Variants in LRP1B observed in about 807,000 individuals in gnomAD.
LRP1B encodes the protein low-density lipoprotein receptor-related protein 1B.
A neutral mutation model predicts 556.6 loss-of-function variants in LRP1B; 217 were observed. That is an observed-to-expected ratio of 0.39 (90% CI 0.35 to 0.44). The LOEUF is 0.44. Among genes scored for constraint, LRP1B ranks in the 20% least tolerant of loss-of-function variants. The pLI is 1.00. For synonymous variants in LRP1B, 2,047 were observed against 1,865.8 expected, an observed-to-expected ratio of 1.10 and a Z score of -2.50; for missense variants, 5,053 against 5,620.8, an observed-to-expected ratio of 0.90 and a Z score of 3.23.
intron 49 of LRP1B, among the ~76,000 whole-genome samples, chr2:140,525,223 A>G (rs1028453554): frequency 7.2e-5 from 11 of 151,984 alleles, no homozygotes; most frequent in African/African-American, 2.4e-4. Context: ...CCAGTTATAC[A>G]TAGTTCTTTT....
intron 2 of LRP1B, among the ~76,000 whole-genome samples, chr2:141,771,817 T>C (rs2105617108): frequency 6.6e-6 from 1 of 152,170 alleles, no homozygotes; most frequent in South Asian, 2.1e-4. Context: ...GTTTGTTTGT[T>C]TTTGTTGTTG....
At chr2:140,670,775 G>A (rs1685452395) in intron 41 of LRP1B, among the ~76,000 whole-genome samples, 2 of 152,192 alleles carry the variant, frequency 1.3e-5, no homozygotes, top group South Asian at 2.1e-4. Context: ...TTACTTTTGT[G>A]CAGAATATGT....
rs370438061 is a variant in LRP1B at position 140,444,369 on chromosome 2, G to T, written c.10255C>A (p.Gln3419Lys). ...CIPVNLRCNG[Q>K]DDCGDEEDER... ...TCTTCCTCATCACCACAGTCATCTT[G>T]CCCATTACATCTTAAGTTTACTGGG... The change falls in exon 65 of 91, where the codon CAA becomes AAA. Residue 3419 changes from glutamine to lysine, a missense_variant. Transcript: ENST00000389484. 7.4e-6 allele frequency: 12 copies of T among 1,613,670 alleles called. No homozygotes were observed. Among genetic ancestry groups the T allele is most frequent in the Non-Finnish European group, 1.0e-5 (12 of 1,179,786 alleles).
chr2:142,013,761 T>C (rs1703030633), intron 1 of LRP1B, among the ~76,000 whole-genome samples: 1 of 152,114 alleles, frequency 6.6e-6, no homozygotes, highest in Non-Finnish European at 1.5e-5. Flanking sequence ...AATATTTGGA[T>C]TGTACAGTGA....
intron 3 of LRP1B, among the ~76,000 whole-genome samples, chr2:141,294,477 C>T (rs1280441736): frequency 6.6e-6 from 1 of 151,878 alleles, no homozygotes; most frequent in Non-Finnish European, 1.5e-5. Context: ...AATCCTATCA[C>T]TCTGGGAGGC....
chr2:140,399,285 G>T (rs1684393197), intron 66 of LRP1B, among the ~76,000 whole-genome samples: 1 of 151,494 alleles, frequency 6.6e-6, no homozygotes, highest in Admixed American at 6.6e-5. Context: ...GATTCCTGGA[G>T]AATTGCACTA....
chr2:141,062,976 T>A (rs960308402), intron 7 of LRP1B, among the ~76,000 whole-genome samples: 12 of 152,028 alleles, frequency 7.9e-5, no homozygotes, highest in African/African-American at 2.9e-4. Flanking sequence ...AATTCTTTCA[T>A]ACTGTGCTAA....
In LRP1B at chr2:140,612,846, CT is replaced by C. The variant is rs373382120; in HGVS notation, c.6800-11208del. On this transcript the variant is annotated intron_variant, in intron 41 of 90. Coordinates refer to ENST00000389484, the MANE Select transcript of LRP1B (RefSeq NM_018557.3). ...GGCATTCTTGAATTTTCTTATTATA[CT>C]TTTTTTAGGAAGTGGAAGATTACCG... Among the ~76,000 whole-genome samples the C allele has an allele frequency of 4.3e-4, 66 of 151,920 alleles. 1 individual carries two copies. In the East Asian group the frequency reaches 0.012, roughly 28 times the overall value.
At chr2:140,584,433 A>G (rs1391760890) in intron 43 of LRP1B, among the ~76,000 whole-genome samples, 1 of 151,708 alleles carries the variant, frequency 6.6e-6, no homozygotes, top group Admixed American at 6.6e-5. Context: ...TTTGTTAGCT[A>G]TCTGTTATTT....
intron 2 of LRP1B, among the ~76,000 whole-genome samples, chr2:141,764,114 G>C (rs916891899): frequency 3.9e-5 from 6 of 152,084 alleles, no homozygotes; most frequent in Non-Finnish European, 7.4e-5. Flanking sequence ...CAGTAATTAA[G>C]GACAGGACCT....
chr2:140,954,522 T>G (rs902452428), intron 18 of LRP1B, among the ~76,000 whole-genome samples: 9 of 152,056 alleles, frequency 5.9e-5, no homozygotes, highest in Non-Finnish European at 1.0e-4. Context: ...TCTGAAAACT[T>G]TTGAAACTGA....
intron 5 of LRP1B, 123 bp from the exon 6 acceptor site, chr2:141,229,563 TA>T (rs1294297864): frequency 1.9e-5 from 14 of 752,632 alleles, no homozygotes; most frequent in African/African-American, 8.9e-5. Context: ...AATTTTCTTA[TA>T]AAAAAACTTT....
intron 2 of LRP1B, among the ~76,000 whole-genome samples, chr2:141,625,540 T>G (rs572260859): frequency 6.6e-6 from 1 of 152,334 alleles, no homozygotes; most frequent in African/African-American, 2.4e-5. Flanking sequence ...TATTTGTTAC[T>G]GAAAGAATGT....
chr2:140,404,168 CTTTTTTTTTT>C (rs68017900), intron 66 of LRP1B, among the ~76,000 whole-genome samples: 1 of 92,444 alleles, frequency 1.1e-5, no homozygotes, highest in Non-Finnish European at 2.0e-5. Context: ...AATAGAACTT[CTTTTTTTTTT>C]TTTTTTTTTT....
chr2:140,687,675 T>C (rs1262717726), intron 41 of LRP1B, among the ~76,000 whole-genome samples: 3 of 152,146 alleles, frequency 2.0e-5, no homozygotes, highest in African/African-American at 4.8e-5. Context: ...AGGTTGAATA[T>C]GTAAATAAAA....
intron 1 of LRP1B, among the ~76,000 whole-genome samples, chr2:141,840,771 T>C (rs1697441699): frequency 1.3e-5 from 2 of 152,202 alleles, no homozygotes; most frequent in Non-Finnish European, 2.9e-5. Flanking sequence ...AGTGATTTAC[T>C]GGATATATAC....
chr2:141,014,315 A>C (rs1697841001), intron 13 of LRP1B, among the ~76,000 whole-genome samples: 1 of 152,094 alleles, frequency 6.6e-6, no homozygotes. Flanking sequence ...ATTATTAGTA[A>C]ATAGATAAAA....
intron 2 of LRP1B, among the ~76,000 whole-genome samples, chr2:141,702,568 C>T (rs76307900): frequency 0.054 from 7,360 of 135,644 alleles, 233 homozygotes; most frequent in East Asian, 0.16. Context: ...GAGGTGGCCA[C>T]CTGTAGGTCT....
chr2:141,662,128 T>C (rs575760819), intron 2 of LRP1B, among the ~76,000 whole-genome samples: 2 of 152,252 alleles, frequency 1.3e-5, no homozygotes, highest in Admixed American at 1.3e-4. Context: ...GACAAGCAAA[T>C]GCTGAAGGAA....
Sources: gnomAD v4.1 joint callset for allele counts (sites outside exome capture counted in the v4.1 genomes callset) on GRCh38, gnomAD v4.1.1 for gene constraint, MANE v1.5 for transcripts, NCBI Gene and HGNC (gene_info 2026-07-23, HGNC 2026-07-21) for gene names.